The following ZNF675 variants were observed in gnomAD, a reference collection of about 807,000 sequenced individuals.
ZNF675 encodes zinc finger protein 675.
ZNF675 carries 36 observed loss-of-function variants against 56.1 expected under a neutral mutation model. The ratio of observed to expected loss-of-function variants is 0.64; its 90% CI spans 0.49 to 0.85. ZNF675 has a LOEUF of 0.85. ZNF675 is among the 40% of genes least tolerant of loss of function. The pLI is 0.00. For missense variants in ZNF675, 663 were observed against 654.2 expected, an observed-to-expected ratio of 1.01 and a Z score of -0.15; for synonymous variants, 200 against 218.9, an observed-to-expected ratio of 0.91 and a Z score of 0.76.
chr19:23,656,639 C>G (rs1435235640), intron 3 of ZNF675: 1 of 152,054 alleles, frequency 6.6e-6, no homozygotes, highest in Admixed American at 6.6e-5. Flanking sequence ...CACACACACA[C>G]ACACACACAC....
At chr19:23,662,442 G>A (rs533514026) in intron 2 of ZNF675, among the ~76,000 whole-genome samples, 6 of 152,308 alleles carry the variant, frequency 3.9e-5, no homozygotes, top group South Asian at 4.1e-4. Flanking sequence ...AGATTTTAAG[G>A]TGTGGGCAAC....
At chr19:23,679,776 A>C (rs1425834917) in intron 1 of ZNF675, among the ~76,000 whole-genome samples, 1 of 150,654 alleles carries the variant, frequency 6.6e-6, no homozygotes, top group Non-Finnish European at 1.5e-5. Flanking sequence ...GGATCACCTG[A>C]GATCAGGAGT....
At chr19:23,667,973 A>G (rs1025554628) in intron 1 of ZNF675, among the ~76,000 whole-genome samples, 1 of 151,344 alleles carries the variant, frequency 6.6e-6, no homozygotes, top group African/African-American at 2.4e-5. Flanking sequence ...GCCCCACCAG[A>G]GCAGCTAGAC....
intron 1 of ZNF675, among the ~76,000 whole-genome samples, chr19:23,670,190 C>T (rs1230387381): frequency 6.6e-6 from 1 of 152,074 alleles, no homozygotes; most frequent in Non-Finnish European, 1.5e-5. Context: ...CTATATCTTC[C>T]ACCATTAGAA....
At chr19:23,666,406 T>C (rs1321568653) in intron 1 of ZNF675, among the ~76,000 whole-genome samples, 1 of 152,240 alleles carries the variant, frequency 6.6e-6, no homozygotes, top group East Asian at 1.9e-4. Flanking sequence ...ATCAGAGCAA[T>C]TGTGGGCCAC....
At chr19:23,680,086 A>C (rs1221926234) in intron 1 of ZNF675, among the ~76,000 whole-genome samples, 2 of 151,356 alleles carry the variant, frequency 1.3e-5, no homozygotes, top group African/African-American at 4.9e-5. Context: ...AGGCGGGCAG[A>C]TCACGAGGTC....
chr19:23,674,535 C>T (rs1009145381), intron 1 of ZNF675, among the ~76,000 whole-genome samples: 15 of 147,352 alleles, frequency 1.0e-4, no homozygotes, highest in African/African-American at 3.6e-4. Context: ...CCCAGCTACT[C>T]GGGAGGCTGA....
intron 3 of ZNF675, among the ~76,000 whole-genome samples, chr19:23,660,806 A>G (rs535792265): frequency 6.6e-6 from 1 of 152,208 alleles, no homozygotes; most frequent in Non-Finnish European, 1.5e-5. Context: ...TTCCAGTGGC[A>G]TTTGTTTTTC....
chr19:23,686,695 G>T (rs763481608), intron 1 of ZNF675, among the ~76,000 whole-genome samples: 2 of 152,120 alleles, frequency 1.3e-5, no homozygotes, highest in Non-Finnish European at 2.9e-5. Context: ...TCCCATTAAT[G>T]AACCCGCACC....
chr19:23,672,770 C>G (rs907824893), intron 1 of ZNF675, among the ~76,000 whole-genome samples: 3 of 152,146 alleles, frequency 2.0e-5, no homozygotes, highest in Non-Finnish European at 4.4e-5. Context: ...TTGGGAGGAC[C>G]AAGCTTGAGG....
In ZNF675 at chr19:23,668,707, C is replaced by G. The variant is rs914077915; in HGVS notation, c.4-5549G>C. Among the ~76,000 whole-genome samples, 5 of 152,302 alleles carry G rather than the reference C, an allele frequency of 3.3e-5. No individual in the cohort carries two copies. The East Asian group carries it at 9.7e-4, about 29-fold the overall frequency. ...AGCTAAGGCCCGGCGAGAAATCGAG[C>G]GCAGCGCCAGTGGGCTGGCACTGCT... On this transcript the variant is annotated intron_variant, in intron 1 of 3. Coordinates refer to ENST00000359788, the MANE Select transcript of ZNF675 (RefSeq NM_138330.3).
intron 1 of ZNF675, among the ~76,000 whole-genome samples, chr19:23,680,764 T>A (rs532875508): frequency 6.6e-6 from 1 of 150,816 alleles, no homozygotes; most frequent in Admixed American, 6.6e-5. Context: ...CAGAAAAATT[T>A]AAAAAAATAA....
rs1050251878 is a variant in ZNF675, at chr19:23,653,470, G to A, written c.1463C>T (p.Ala488Val). The change falls in exon 4 of 4, where the codon GCT (alanine) becomes GTT (valine). Residue 488 changes from alanine to valine, a missense_variant. This residue lies in a region of ZNF675 where 617 missense variants were observed against 590.5 expected (regional missense o/e 1.04). Transcript: ENST00000359788. ...AGTAAGGGATGAGGAGTGTTTAAAA[G>A]CTTTGCCACATTCTTCACACTTGTA... Reference protein sequence around the residue: ...IPYKCEECGKAFKHSSSLTTH... With the variant: ...IPYKCEECGKVFKHSSSLTTH... 1 of 1,613,126 alleles carries A rather than the reference G, an allele frequency of 6.2e-7. No homozygotes were observed. Among genetic ancestry groups the A allele is most frequent in the African/African-American group, 1.3e-5 (1 of 74,880 alleles).
In ZNF675 at chr19:23,653,184, C is replaced by T; in HGVS notation, c.*42G>A. The T allele has an allele frequency of 6.6e-7, 1 of 1,513,928 alleles. No homozygotes were observed. Among genetic ancestry groups the T allele is most frequent in the Non-Finnish European group, 8.8e-7 (1 of 1,130,158 alleles). The allele number at this position is 1,513,928 out of a possible 1,614,324, so 93.8% of individuals were successfully genotyped here. A position where few individuals can be genotyped will look rare whatever the true frequency, so the allele number is the denominator to read the frequency against. On this transcript the variant is annotated 3_prime_UTR_variant, in exon 4 of 4. Transcript: ENST00000359788. ...CTAGAATTTTTCACCAGTATGATTT[C>T]CTTTATATTTAGAAAAATTTGAGGT...
intron 1 of ZNF675, among the ~76,000 whole-genome samples, chr19:23,668,735 G>T (rs1968188833): frequency 6.6e-6 from 1 of 152,216 alleles, no homozygotes; most frequent in African/African-American, 2.4e-5. Context: ...GCACTGCTGG[G>T]GGACCCAGTA....
At chr19:23,673,579 C>T (rs1379247054) in intron 1 of ZNF675, among the ~76,000 whole-genome samples, 1 of 152,170 alleles carries the variant, frequency 6.6e-6, no homozygotes, top group Admixed American at 6.5e-5. Flanking sequence ...GGTAAGCCCA[C>T]TCTAGAGTAG....
chr19:23,686,113 G>T (rs975569506), intron 1 of ZNF675: 1 of 152,090 alleles, frequency 6.6e-6, no homozygotes, highest in African/African-American at 2.4e-5. Flanking sequence ...CACCTTAATT[G>T]TACAAGTCAA....
At chr19:23,671,278 G>C (rs1968223550) in intron 1 of ZNF675, among the ~76,000 whole-genome samples, 2 of 152,136 alleles carry the variant, frequency 1.3e-5, no homozygotes, top group Non-Finnish European at 2.9e-5. Flanking sequence ...CCAGCTTCTT[G>C]ATACAATGTT....
At chr19:23,663,597 C>T (rs1213917065) in intron 1 of ZNF675, among the ~76,000 whole-genome samples, 1 of 152,184 alleles carries the variant, frequency 6.6e-6, no homozygotes, top group South Asian at 2.1e-4. Context: ...GAGGCTGAGG[C>T]AGGAGAATCA....
Sources: gnomAD v4.1 joint callset for allele counts (sites outside exome capture counted in the v4.1 genomes callset) on GRCh38, gnomAD v4.1.1 for gene constraint, gnomAD v4.1.1 regional missense constraint, MANE v1.5 for transcripts, NCBI Gene and HGNC (gene_info 2026-07-23, HGNC 2026-07-21) for gene names.